The following SP4 variants were observed in gnomAD, a reference collection of about 807,000 sequenced individuals.
The protein encoded by SP4 is Sp4 transcription factor.
Under a neutral mutation model 72.8 loss-of-function variants are expected in SP4, and 19 were observed. That is an observed-to-expected ratio of 0.26 (90% CI 0.18 to 0.38). The LOEUF is 0.38. SP4 is among the 10% of genes least tolerant of loss of function. The pLI, the probability that SP4 is intolerant of heterozygous loss-of-function variation, is 1.00. For synonymous variants in SP4, 395 were observed against 333.1 expected (o/e 1.19, Z -2.02); for missense variants, 1,008 against 926.3 (o/e 1.09, Z -1.14).
intron 3 of SP4, among the ~76,000 whole-genome samples, chr7:21,446,897 T>C (rs1783443594): frequency 6.6e-6 from 1 of 152,064 alleles, no homozygotes. Flanking sequence ...AATCTAATAT[T>C]GACTCTAACG....
rs1004337720 is a variant in SP4 at position 21,440,883 on chromosome 7, ACAACAG to A, written c.1678+10043_1678+10048del. On this transcript the variant is annotated intron_variant, in intron 3 of 5. Transcript: ENST00000222584. Reference sequence around the variant, plus strand: ...AACAACAACAACAACAACAACAACAACAACAGCAGCAAACAGGTGGTGTATTTCAGT... The same window carrying A: ...AACAACAACAACAACAACAACAACAACAGCAAACAGGTGGTGTATTTCAGT... Among the ~76,000 whole-genome samples the A allele has an allele frequency of 1.1e-3, 15 of 13,958 alleles. No homozygotes were observed. In the African/African-American group the frequency reaches 0.015, roughly 14 times the overall value. The allele number at this position is 13,958 out of a possible 152,430, so 9.2% of individuals were successfully genotyped here.
At chr7:21,500,326 A>T (rs980474569) in intron 5 of SP4, among the ~76,000 whole-genome samples, 1 of 152,204 alleles carries the variant, frequency 6.6e-6, no homozygotes. Flanking sequence ...TTATAAGGTT[A>T]TATCATATGT....
intron 5 of SP4, among the ~76,000 whole-genome samples, chr7:21,506,098 G>C (rs1781991709): frequency 6.6e-6 from 1 of 152,092 alleles, no homozygotes; most frequent in African/African-American, 2.4e-5. Context: ...TCCTACTTCA[G>C]GAACAAGTGA....
At chr7:21,487,537 T>A (rs1038672433) in intron 5 of SP4, among the ~76,000 whole-genome samples, 17 of 152,096 alleles carry the variant, frequency 1.1e-4, no homozygotes, top group African/African-American at 4.1e-4. Context: ...TAATTTCCAA[T>A]AGTGTATTCC....
At chr7:21,453,058 G>A (rs1783650099) in intron 3 of SP4, among the ~76,000 whole-genome samples, 1 of 152,182 alleles carries the variant, frequency 6.6e-6, no homozygotes, top group Non-Finnish European at 1.5e-5. Flanking sequence ...GATTACAGGT[G>A]TGAGCCACCG....
At chr7:21,444,350 A>T (rs1433290846) in intron 3 of SP4, among the ~76,000 whole-genome samples, 3 of 152,230 alleles carry the variant, frequency 2.0e-5, no homozygotes, top group Admixed American at 6.5e-5. Flanking sequence ...GCTGACATTT[A>T]CTGCACGTTT....
Position 21,430,016 on chromosome 7 carries a change from G to C in SP4, c.851G>C (p.Gly284Ala), listed in dbSNP as rs1404513276. The stretch of plus-strand genomic sequence containing the variant: ...GCCGGAGGAGGGACTGGGCAGGTTG[G>C]CCAGCCTGCTGCTACTGCTGATAGT... ...VAAGGGTGQV[G>A]QPAATADSGT... Residue 284 changes from glycine (G) to alanine (A), a missense_variant, in exon 3 of 6, where the codon GGC becomes GCC. Gly to Ala is a moderately conservative substitution (Grantham distance 60). Transcript: ENST00000222584. 1 of 1,614,044 alleles carries C rather than the reference G, an allele frequency of 6.2e-7. No individual in the cohort carries two copies. The highest frequency in any genetic ancestry group is 8.5e-7 in the Non-Finnish European group (1 of 1,180,026).
At chr7:21,433,975 G>A (rs552835716) in intron 3 of SP4, among the ~76,000 whole-genome samples, 25 of 152,112 alleles carry the variant, frequency 1.6e-4, no homozygotes, top group African/African-American at 5.5e-4. Context: ...AAGACACAAA[G>A]AGTGAGACAC....
At chr7:21,456,178 C>T (rs1231017988) in intron 3 of SP4, among the ~76,000 whole-genome samples, 1 of 152,152 alleles carries the variant, frequency 6.6e-6, no homozygotes, top group Non-Finnish European at 1.5e-5. Flanking sequence ...TGAGAACTCA[C>T]AAATGGCAAA....
intron 5 of SP4, among the ~76,000 whole-genome samples, chr7:21,501,770 A>G (rs1231206298): frequency 6.6e-6 from 1 of 152,202 alleles, no homozygotes; most frequent in African/African-American, 2.4e-5. Flanking sequence ...GTTGGGAATG[A>G]AAGTACAACA....
chr7:21,469,003 T>C (rs1477151096), intron 3 of SP4, among the ~76,000 whole-genome samples: 1 of 152,196 alleles, frequency 6.6e-6, no homozygotes, highest in East Asian at 1.9e-4. Context: ...ATGTTTCATG[T>C]CCTTTGATTT....
intron 3 of SP4, among the ~76,000 whole-genome samples, chr7:21,464,655 T>G (rs2128403692): frequency 6.6e-6 from 1 of 152,062 alleles, no homozygotes; most frequent in East Asian, 1.9e-4. Flanking sequence ...GCTCAGGCAG[T>G]TCTCCAGTCT....
In SP4 at chr7:21,514,132, CT is replaced by C. The variant is rs1192456717; in HGVS notation, c.*2866del. The C allele has an allele frequency of 1.3e-5, 2 of 152,516 alleles. No homozygotes were observed. The allele number at this position is 152,516 out of a possible 1,614,324, so 9.4% of individuals were successfully genotyped here. A position where few individuals can be genotyped will look rare whatever the true frequency, so the allele number is the denominator to read the frequency against. On this transcript the variant is annotated 3_prime_UTR_variant, in exon 6 of 6. Transcript: ENST00000222584. ...TAGAATAGTTTTTTCTTACAGTATA[CT>C]TTCTTTGGTTAGGTTTGTGTATGTG...
Position 21,430,641 on chromosome 7 carries a change from A to G in SP4, c.1476A>G (p.Gln492=), listed in dbSNP as rs150866615. Residue 492 remains glutamine (Q), a synonymous_variant, in exon 3 of 6, where the codon CAA becomes CAG. Coordinates refer to ENST00000222584, the MANE Select transcript of SP4 (RefSeq NM_003112.5). The part of the protein sequence containing the change: ...NLQVQNAGLS[Q]QLTITPVSSS... ...AAGTTCAGAATGCTGGGTTATCCCA[A>G]CAATTAACCATCACCCCAGTGTCTT... is the stretch of plus-strand genomic sequence containing the variant. 314 of 1,614,220 alleles carry G rather than the reference A, an allele frequency of 1.9e-4. 1 individual carries two copies. The highest frequency in any genetic ancestry group is 5.7e-4 in the Admixed American group (34 of 60,030).
At chr7:21,489,997 A>G (rs1583438430) in intron 5 of SP4, among the ~76,000 whole-genome samples, 1 of 152,326 alleles carries the variant, frequency 6.6e-6, no homozygotes, top group African/African-American at 2.4e-5. Flanking sequence ...TGAAACATCA[A>G]AACTGTTGCC....
rs1782163625 is a variant in SP4 at position 21,512,161 on chromosome 7, T to G, written c.*892T>G. ...TGGAAATATTTGCATAGAGTGTAAA[T>G]TGTTCTGTAGTTTCATATTTTGTAA... On this transcript the variant is annotated 3_prime_UTR_variant, in exon 6 of 6. Coordinates refer to ENST00000222584, the MANE Select transcript of SP4 (RefSeq NM_003112.5). 6.6e-6 allele frequency: 1 copy of G among 152,646 alleles called. No individual in the cohort carries two copies. The highest frequency in any genetic ancestry group is 1.9e-4 in the East Asian group (1 of 5,206). 9.5% of individuals were successfully genotyped at this position (152,646 alleles called of 1,614,324 possible). A position where few individuals can be genotyped will look rare whatever the true frequency, so the allele number is the denominator to read the frequency against.
intron 3 of SP4, among the ~76,000 whole-genome samples, chr7:21,475,956 G>T (rs1784487670): frequency 6.6e-6 from 1 of 152,110 alleles, no homozygotes; most frequent in Non-Finnish European, 1.5e-5. Context: ...ATGTAGAACT[G>T]TGTGAAAGAA....
chr7:21,446,877 C>G (rs1410392369), intron 3 of SP4, among the ~76,000 whole-genome samples: 1 of 147,352 alleles, frequency 6.8e-6, no homozygotes, highest in East Asian at 2.0e-4. Flanking sequence ...TTGACAGATT[C>G]TTGAAGCCAA....
chr7:21,456,019 C>T (rs1041873022), intron 3 of SP4, among the ~76,000 whole-genome samples: 5 of 152,052 alleles, frequency 3.3e-5, no homozygotes, highest in Non-Finnish European at 5.9e-5. Flanking sequence ...GAAATGGAGG[C>T]TACAGGAGGA....
Sources: gnomAD v4.1 joint callset for allele counts (sites outside exome capture counted in the v4.1 genomes callset) on GRCh38, gnomAD v4.1.1 for gene constraint, MANE v1.5 for transcripts, NCBI Gene and HGNC (gene_info 2026-07-23, HGNC 2026-07-21) for gene names.